The following FCRL5 variants were observed in gnomAD, a reference collection of about 807,000 sequenced individuals.
FCRL5 encodes Fc receptor like 5, also known as Fc receptor-like protein 5.
A neutral mutation model predicts 92.1 loss-of-function variants in FCRL5; 79 were observed. That is an observed-to-expected ratio of 0.86 (90% CI 0.72 to 1.03). FCRL5 has a LOEUF of 1.03. FCRL5 is among the 50% of genes least tolerant of loss of function. The pLI is 0.00. For synonymous variants in FCRL5, 466 were observed against 469.3 expected, an observed-to-expected ratio of 0.99 and a Z score of 0.09; for missense variants, 1,160 against 1,181.1, an observed-to-expected ratio of 0.98 and a Z score of 0.26.
intron 2 of FCRL5, 40 bp from the exon 3 acceptor site, chr1:157,547,237 C>T (rs1469396630): frequency 1.2e-6 from 2 of 1,608,394 alleles, no homozygotes; most frequent in South Asian, 2.2e-5. Flanking sequence ...GTGGAGGCGC[C>T]TGCAGACCCA....
chr1:157,547,296 T>G, intron 2 of FCRL5, 99 bp from the exon 3 acceptor site: 1 of 1,475,976 alleles, frequency 6.8e-7, no homozygotes, highest in Non-Finnish European at 9.3e-7. Flanking sequence ...GTTTGGAGGA[T>G]CTGAAAGAGG....
intron 15 of FCRL5, 85 bp from the exon 16 acceptor site, chr1:157,515,958 C>A: frequency 6.8e-7 from 1 of 1,472,700 alleles, no homozygotes; most frequent in Non-Finnish European, 9.4e-7. Flanking sequence ...AGCCCTGAGC[C>A]TCCTGGAGGC....
At chr1:157,534,389 A>C (rs1054922219) in intron 8 of FCRL5, 4 of 719,188 alleles carry the variant, frequency 5.6e-6, no homozygotes, top group African/African-American at 1.7e-5. Context: ...TACAATAAAT[A>C]AATTCATTTG....
At position 157,539,238 on chromosome 1, in the gene FCRL5, T is replaced by A; in HGVS notation, c.1250A>T (p.Glu417Val). The stretch of plus-strand genomic sequence containing the variant: ...CGACCTACGCTCCAGGGCAGCACCC[T>A]CATGATGAAACTGGTACAGGATGGG... ...SLPILYQFHH[E>V]GAALERRSAN... Residue 417 changes from glutamate (E) to valine (V), a missense_variant, in exon 7 of 17, where the codon GAG becomes GTG. Coordinates refer to ENST00000361835, the MANE Select transcript of FCRL5 (RefSeq NM_031281.3). 4 of 1,614,192 alleles carry A rather than the reference T, an allele frequency of 2.5e-6. No individual in the cohort carries two copies. The highest frequency in any genetic ancestry group is 1.7e-6 in the Non-Finnish European group (2 of 1,180,032).
At chr1:157,522,060 C>T (rs1346154094) in intron 10 of FCRL5, 4 of 152,108 alleles carry the variant, frequency 2.6e-5, no homozygotes, top group East Asian at 1.9e-4. Flanking sequence ...TTAAAAAATG[C>T]AACTGGCATA....
chr1:157,535,420 T>C (rs977945831), intron 7 of FCRL5, among the ~76,000 whole-genome samples: 2 of 152,226 alleles, frequency 1.3e-5, no homozygotes, highest in Non-Finnish European at 2.9e-5. Flanking sequence ...TATCAGACAA[T>C]TCAAAAACAA....
chr1:157,521,730 A>G (rs1650207281), intron 10 of FCRL5: 1 of 154,118 alleles, frequency 6.5e-6, no homozygotes, highest in African/African-American at 2.4e-5. Flanking sequence ...GGCAATATCT[A>G]CAAAATTTAA....
At chr1:157,531,360 A>C (rs1571090088) in intron 8 of FCRL5, among the ~76,000 whole-genome samples, 1 of 152,230 alleles carries the variant, frequency 6.6e-6, no homozygotes, top group South Asian at 2.1e-4. Flanking sequence ...GAACCCTTAC[A>C]TTGCTGGTGG....
At chr1:157,521,349 CA>C in intron 10 of FCRL5, 57 bp from the exon 11 acceptor site, 1 of 1,519,138 alleles carries the variant, frequency 6.6e-7, no homozygotes, top group Non-Finnish European at 8.8e-7. Flanking sequence ...TTGTAAGAAA[CA>C]AAAGGTATCA....
At chr1:157,535,683 A>G (rs546278341) in intron 7 of FCRL5, among the ~76,000 whole-genome samples, 1 of 152,276 alleles carries the variant, frequency 6.6e-6, no homozygotes, top group South Asian at 2.1e-4. Flanking sequence ...AGTGCCTTTA[A>G]GTTCTGGTGT....
intron 6 of FCRL5, among the ~76,000 whole-genome samples, chr1:157,540,563 C>T (rs537880707): frequency 1.3e-5 from 2 of 152,100 alleles, no homozygotes; most frequent in African/African-American, 4.8e-5. Flanking sequence ...GAAAAACAAC[C>T]CTATTTGCAT....
chr1:157,521,855 G>A (rs1293783045), intron 10 of FCRL5: 1 of 152,282 alleles, frequency 6.6e-6, no homozygotes, highest in African/African-American at 2.4e-5. Flanking sequence ...TTGAGCCCAG[G>A]AGTTCAAGTC....
chr1:157,526,091 TA>T (rs1219740112), intron 9 of FCRL5, among the ~76,000 whole-genome samples: 1 of 152,090 alleles, frequency 6.6e-6, no homozygotes, highest in Non-Finnish European at 1.5e-5. Flanking sequence ...TGCCAGTGCT[TA>T]AAGGTTTTCT....
chr1:157,536,670 A>G (rs1039516764), intron 7 of FCRL5, among the ~76,000 whole-genome samples: 1 of 152,174 alleles, frequency 6.6e-6, no homozygotes, highest in African/African-American at 2.4e-5. Flanking sequence ...TGTTCTGTCT[A>G]TGGTTCAGTC....
chr1:157,519,714 A>T (rs747585502), intron 13 of FCRL5, 29 bp downstream of exon 13: 7 of 1,610,358 alleles, frequency 4.3e-6, no homozygotes, highest in Non-Finnish European at 5.1e-6. Flanking sequence ...CATTTCACTA[A>T]TCACACAGGA....
chr1:157,520,554 G>A lies in FCRL5; in HGVS notation c.2516-7C>T. ...CTTCTGTTCGCGGTCAGCCCTGAGGGGGAGACCCTGTGTGTGAGCCAGAGG... is the reference window on the plus strand; with the variant it reads ...CTTCTGTTCGCGGTCAGCCCTGAGGAGGAGACCCTGTGTGTGAGCCAGAGG... On this transcript the variant is annotated splice_region_variant and splice_polypyrimidine_tract_variant and intron_variant, in intron 11 of 16. Transcript: ENST00000361835. 1 of 1,580,704 alleles carries A rather than the reference G, an allele frequency of 6.3e-7. No individual in the cohort carries two copies. The highest frequency in any genetic ancestry group is 8.6e-7 in the Non-Finnish European group (1 of 1,162,756).
intron 13 of FCRL5, 60 bp from the exon 14 acceptor site, chr1:157,518,842 C>A: frequency 7.0e-7 from 1 of 1,425,314 alleles, no homozygotes; most frequent in South Asian, 1.3e-5. Flanking sequence ...CTATAATGAT[C>A]ACTCCTAGTG....
intron 6 of FCRL5, among the ~76,000 whole-genome samples, chr1:157,539,987 G>A (rs184276774): frequency 6.6e-6 from 1 of 152,196 alleles, no homozygotes; most frequent in African/African-American, 2.4e-5. Context: ...GAGAAGGCAG[G>A]GAGCTGAATC....
chr1:157,541,345 C>T (rs1276669297), intron 6 of FCRL5, among the ~76,000 whole-genome samples: 1 of 152,216 alleles, frequency 6.6e-6, no homozygotes, highest in East Asian at 1.9e-4. Flanking sequence ...CACTGTGCTG[C>T]TGGAGTGGTT....
Sources: gnomAD v4.1 joint callset for allele counts (sites outside exome capture counted in the v4.1 genomes callset) on GRCh38, gnomAD v4.1.1 for gene constraint, MANE v1.5 for transcripts, NCBI Gene and HGNC (gene_info 2026-07-23, HGNC 2026-07-21) for gene names.